NPNT: variants seen among roughly 807,000 people sequenced by gnomAD.
NPNT encodes the protein preosteoblast EGF-like repeat protein with MAM domain.
A neutral mutation model predicts 68.6 loss-of-function variants in NPNT; 45 were observed. The ratio of observed to expected loss-of-function variants is 0.66; its 90% CI spans 0.52 to 0.84. The LOEUF is 0.84. Among genes scored for constraint, NPNT ranks in the 40% least tolerant of loss-of-function variants. The pLI is 0.00. For synonymous variants in NPNT, 233 were observed against 253.3 expected (o/e 0.92, Z 0.76); for missense variants, 672 against 714.8 (o/e 0.94, Z 0.68).
intron 2 of NPNT, among the ~76,000 whole-genome samples, chr4:105,922,664 T>C (rs1330589253): frequency 1.3e-5 from 2 of 152,068 alleles, no homozygotes; most frequent in Non-Finnish European, 2.9e-5. Flanking sequence ...GGCTTGGACA[T>C]GTGACATTAA....
In NPNT at chr4:105,942,330, C is replaced by A. The variant is rs535753927; in HGVS notation, c.787C>A (p.Pro263Thr). The A allele has an allele frequency of 1.9e-6, 3 of 1,602,070 alleles. No homozygotes were observed. Among genetic ancestry groups the A allele is most frequent in the Admixed American group, 1.7e-5 (1 of 59,366 alleles). Residue 263 changes from proline to threonine, a missense_variant, in exon 8 of 12, where the codon CCT (proline) becomes ACT (threonine). Transcript: ENST00000379987. ...CVYIPKVMIE[P>T]SGPIHVPKGN... ...AGATATCCCAAAAGTTATGATTGAA[C>A]CTTCAGGTCCAATTCATGTACCAAA... is the stretch of plus-strand genomic sequence containing the variant.
chr4:105,968,581 C>A (rs1310749182), intron 11 of NPNT, among the ~76,000 whole-genome samples: 1 of 152,198 alleles, frequency 6.6e-6, no homozygotes. Flanking sequence ...TTCTATCACA[C>A]TCTTCTAACT....
intron 2 of NPNT, among the ~76,000 whole-genome samples, chr4:105,906,208 T>C (rs1726880225): frequency 2.0e-5 from 3 of 152,258 alleles, no homozygotes; most frequent in African/African-American, 7.2e-5. Flanking sequence ...ATTGCTGATT[T>C]AATTTGTGTT....
chr4:105,935,337 A>G (rs768228429), intron 3 of NPNT, among the ~76,000 whole-genome samples: 2 of 152,250 alleles, frequency 1.3e-5, no homozygotes, highest in Admixed American at 6.5e-5. Flanking sequence ...AAGAAGATTT[A>G]TCAAAGACAG....
intron 3 of NPNT, 139 bp from the exon 4 acceptor site, chr4:105,936,870 C>G (rs1238491542): frequency 1.2e-6 from 1 of 806,514 alleles, no homozygotes; most frequent in Non-Finnish European, 1.9e-6. Context: ...TGAACAGGAT[C>G]TATCTCTTAT....
rs750997884 is a variant in NPNT at position 105,969,026 on chromosome 4, C to G, written c.*36C>G. 3.0e-6 allele frequency: 4 copies of G among 1,322,152 alleles called. No individual in the cohort carries two copies. In the South Asian group the frequency reaches 3.6e-5, roughly 12 times the overall value. The allele number at this position is 1,322,152 out of a possible 1,614,324, so 81.9% of individuals were successfully genotyped here. On this transcript the variant is annotated 3_prime_UTR_variant, in exon 12 of 12. Coordinates refer to ENST00000379987, the MANE Select transcript of NPNT (RefSeq NM_001033047.3). ...ACTAACAATGAACTCCTATGTTGCT[C>G]TATCCTCTTTTTCCAATTCTCATCT...
In NPNT at chr4:105,942,533, A is replaced by G. The variant is rs540596220; in HGVS notation, c.990A>G (p.Pro330=). The stretch of plus-strand genomic sequence containing the variant: ...CAACACCAATTCCTACTCCACCACC[A>G]CCACCACCCCTGCCAACAGAGCTCA... ...PKPTPIPTPP[P]PPPLPTELRT... The change falls in exon 8 of 12, where the codon CCA becomes CCG. Residue 330 remains proline (P), a synonymous_variant. Transcript: ENST00000379987. The G allele has an allele frequency of 4.4e-5, 71 of 1,613,660 alleles. No individual in the cohort carries two copies. The highest frequency in any genetic ancestry group is 5.9e-5 in the Non-Finnish European group (70 of 1,179,976).
At position 105,901,766 on chromosome 4, in the gene NPNT, C is replaced by T. The variant is rs901228833; in HGVS notation, c.172+3765C>T. Among the ~76,000 whole-genome samples, 5 of 152,156 alleles carry T rather than the reference C, an allele frequency of 3.3e-5. No homozygotes were observed. In the South Asian group the frequency reaches 1.0e-3, roughly 32 times the overall value. ...AGCTCTGAACCTCCTGCTGCCTCTT[C>T]CACGTAAAGTGAAAATTTTGGATTC... On this transcript the variant is annotated intron_variant, in intron 2 of 11. Coordinates refer to ENST00000379987, the MANE Select transcript of NPNT (RefSeq NM_001033047.3).
intron 5 of NPNT, 38 bp downstream of exon 5, chr4:105,938,458 T>TAG (rs1729674270): frequency 6.2e-7 from 1 of 1,604,728 alleles, no homozygotes; most frequent in African/African-American, 1.3e-5. Context: ...CAGCAGCCTC[T>TAG]GTAGGATAAA....
At chr4:105,940,386 G>C in intron 6 of NPNT, 128 bp from the exon 7 acceptor site, 1 of 1,081,088 alleles carries the variant, frequency 9.2e-7, no homozygotes, top group Non-Finnish European at 1.4e-6. Context: ...TATTTCTTCT[G>C]TTTATCTGCC....
In NPNT at chr4:105,914,339, GCT is replaced by G. The variant is rs1157839512; in HGVS notation, c.173-12987_173-12986del. Among the ~76,000 whole-genome samples the G allele has an allele frequency of 6.7e-5, 9 of 133,360 alleles. No individual in the cohort carries two copies. The East Asian group carries it at 1.9e-3, about 29-fold the overall frequency. The allele number at this position is 133,360 out of a possible 152,430, so 87.5% of individuals were successfully genotyped here. A position where few individuals can be genotyped will look rare whatever the true frequency, so the allele number is the denominator to read the frequency against. On this transcript the variant is annotated intron_variant, in intron 2 of 11. Transcript: ENST00000379987. ...TCCTGGATCATGCAGGTAATAGCTG[GCT>G]CTCTCTCTCCATTCTCTCTCTCTCT...
intron 10 of NPNT, among the ~76,000 whole-genome samples, chr4:105,966,819 C>G (rs550414633): frequency 6.6e-6 from 1 of 152,114 alleles, no homozygotes; most frequent in Non-Finnish European, 1.5e-5. Context: ...CAAGCCAGAT[C>G]GCCAGGGGTG....
At chr4:105,946,036 A>G in intron 8 of NPNT, among the ~76,000 whole-genome samples, 1 of 152,334 alleles carries the variant, frequency 6.6e-6, no homozygotes, top group South Asian at 2.1e-4. Flanking sequence ...GCAAAACCAG[A>G]AATCAGATTT....
chr4:105,966,085 G>C (rs1302920262), intron 10 of NPNT, among the ~76,000 whole-genome samples: 1 of 152,154 alleles, frequency 6.6e-6, no homozygotes, highest in East Asian at 1.9e-4. Flanking sequence ...GCATAAGAAA[G>C]AGATGATAGT....
At chr4:105,964,074 C>T (rs543621964) in intron 10 of NPNT, among the ~76,000 whole-genome samples, 137 of 152,218 alleles carry the variant, frequency 9.0e-4, no homozygotes, top group African/African-American at 3.1e-3. Flanking sequence ...CTAGCTTTGA[C>T]CTTGAGCAAG....
chr4:105,904,868 GAGTTGAT>G (rs1726755032), intron 2 of NPNT, among the ~76,000 whole-genome samples: 1 of 151,876 alleles, frequency 6.6e-6, no homozygotes, highest in African/African-American at 2.4e-5. Context: ...TCAACTGATG[GAGTTGAT>G]ATCCAGAGAC....
intron 8 of NPNT, among the ~76,000 whole-genome samples, chr4:105,952,822 C>T (rs1730935258): frequency 1.3e-5 from 2 of 152,186 alleles, no homozygotes; most frequent in South Asian, 4.1e-4. Flanking sequence ...GTCCAAGCAG[C>T]CCTTATCAGA....
intron 2 of NPNT, among the ~76,000 whole-genome samples, chr4:105,924,043 C>A (rs190193648): frequency 6.6e-6 from 1 of 151,666 alleles, no homozygotes; most frequent in African/African-American, 2.4e-5. Context: ...TGCTGCGCCC[C>A]CCCCCCACCA....
intron 2 of NPNT, chr4:105,912,221 T>G: frequency 6.5e-7 from 1 of 1,534,276 alleles, no homozygotes. Context: ...ATAGCCAGGA[T>G]AAGGTGCCAG....
Sources: allele counts gnomAD v4.1 joint callset (sites outside exome capture counted in the v4.1 genomes callset), GRCh38; gene constraint gnomAD v4.1.1; transcripts MANE v1.5; gene names NCBI Gene and HGNC (gene_info 2026-07-23, HGNC 2026-07-21).